FSTL4: variants seen among roughly 807,000 people sequenced by gnomAD.
The protein encoded by FSTL4 is follistatin-related protein 4.
A neutral mutation model predicts 78.2 loss-of-function variants in FSTL4; 28 were observed. That is an observed-to-expected ratio of 0.36 (90% CI 0.27 to 0.49). FSTL4 has a LOEUF of 0.49. Among genes scored for constraint, FSTL4 ranks in the 20% least tolerant of loss-of-function variants. The pLI is 0.98. For missense variants in FSTL4, 922 were observed against 1,084.9 expected (o/e 0.85, Z 2.11); for synonymous variants, 422 against 440.5 (o/e 0.96, Z 0.53).
At chr5:133,248,194 C>T (rs999521123) in intron 7 of FSTL4, 1 of 152,316 alleles carries the variant, frequency 6.6e-6, no homozygotes, top group Non-Finnish European at 1.5e-5. Flanking sequence ...CCAAATTGAT[C>T]TCCTTTTGAG....
At chr5:133,774,944 A>G in the FSTL4 span, among the ~76,000 whole-genome samples, 1 of 152,110 alleles carries the variant, frequency 6.6e-6, no homozygotes, top group South Asian at 2.1e-4. Context: ...TAAGAATGCA[A>G]TAGTCTAGAA....
intron 3 of FSTL4, among the ~76,000 whole-genome samples, chr5:133,429,165 C>T (rs867354693): frequency 5.9e-4 from 90 of 152,158 alleles, no homozygotes; most frequent in African/African-American, 2.0e-3. Flanking sequence ...CGTTGGCTCA[C>T]ATCAGCAGAA....
intron 4 of FSTL4, among the ~76,000 whole-genome samples, chr5:133,399,278 C>CT (rs1756157037): frequency 6.6e-6 from 1 of 152,198 alleles, no homozygotes; most frequent in Admixed American, 6.5e-5. Context: ...CGGCACGTGG[C>CT]TGGGCAGTGC....
At chr5:133,767,029 A>G in the FSTL4 span, among the ~76,000 whole-genome samples, 1 of 152,212 alleles carries the variant, frequency 6.6e-6, no homozygotes, top group Non-Finnish European at 1.5e-5. Flanking sequence ...GAGACAGAGT[A>G]GGAAAAGGTC....
At chr5:133,280,618 TC>T (rs2126858359) in intron 6 of FSTL4, among the ~76,000 whole-genome samples, 1 of 152,252 alleles carries the variant, frequency 6.6e-6, no homozygotes, top group African/African-American at 2.4e-5. Context: ...AGCTGCCTGG[TC>T]TTGCTCCTGG....
At chr5:133,796,988 C>A in the FSTL4 span, among the ~76,000 whole-genome samples, 1 of 152,150 alleles carries the variant, frequency 6.6e-6, no homozygotes, top group Non-Finnish European at 1.5e-5. Context: ...CTGCATTGAG[C>A]CCAGGAATCC....
intron 2 of FSTL4, among the ~76,000 whole-genome samples, chr5:133,598,843 G>A (rs1019785737): frequency 7.2e-5 from 11 of 152,170 alleles, no homozygotes; most frequent in African/African-American, 9.7e-5. Context: ...AGGGTGATGT[G>A]GCAGAAAAGC....
chr5:133,617,167 C>T (rs1248214886), upstream of FSTL4, among the ~76,000 whole-genome samples: 4 of 151,998 alleles, frequency 2.6e-5, no homozygotes, highest in African/African-American at 4.8e-5. Flanking sequence ...GGCATGGTGG[C>T]ACGCGCCTAT....
chr5:133,696,099 G>A, the FSTL4 span, among the ~76,000 whole-genome samples: 29 of 152,286 alleles, frequency 1.9e-4, no homozygotes, highest in African/African-American at 4.8e-4. Context: ...CCACTGTGTC[G>A]TCTAAAGAAG....
At chr5:133,499,181 A>G (rs1758435388) in intron 3 of FSTL4, among the ~76,000 whole-genome samples, 1 of 152,164 alleles carries the variant, frequency 6.6e-6, no homozygotes, top group African/African-American at 2.4e-5. Flanking sequence ...CAAAAACTAC[A>G]CACAGGAGAT....
intron 3 of FSTL4, among the ~76,000 whole-genome samples, chr5:133,533,166 G>C (rs751392264): frequency 2.0e-5 from 3 of 152,198 alleles, no homozygotes; most frequent in African/African-American, 4.8e-5. Context: ...ACATGATGTA[G>C]ATTTTAGCTT....
At chr5:133,788,726 T>C in the FSTL4 span, among the ~76,000 whole-genome samples, 1 of 152,240 alleles carries the variant, frequency 6.6e-6, no homozygotes, top group Non-Finnish European at 1.5e-5. Flanking sequence ...CTTCCACTAC[T>C]TCTGAAGTTT....
the FSTL4 span, among the ~76,000 whole-genome samples, chr5:133,808,956 T>G: frequency 6.6e-6 from 1 of 150,650 alleles, no homozygotes; most frequent in Admixed American, 6.7e-5. Flanking sequence ...TGTCAGGACG[T>G]GTGGTCACTA....
chr5:133,491,268 T>A (rs1053339944), intron 3 of FSTL4, among the ~76,000 whole-genome samples: 3 of 152,242 alleles, frequency 2.0e-5, no homozygotes, highest in South Asian at 2.1e-4. Context: ...AGGAGCTGTG[T>A]TAAGTGCATA....
the FSTL4 span, among the ~76,000 whole-genome samples, chr5:133,641,107 C>G: frequency 6.6e-6 from 1 of 152,124 alleles, no homozygotes. Context: ...AAGTCATTAC[C>G]CTACAACCAT....
chr5:133,603,231 A>C (rs1760907813), intron 2 of FSTL4, among the ~76,000 whole-genome samples: 1 of 152,200 alleles, frequency 6.6e-6, no homozygotes, highest in Non-Finnish European at 1.5e-5. Context: ...GTTGCAGTTT[A>C]TGGATCCTCT....
chr5:133,383,799 G>T (rs180885978), intron 4 of FSTL4, among the ~76,000 whole-genome samples: 112 of 152,258 alleles, frequency 7.4e-4, no homozygotes, highest in African/African-American at 2.6e-3. Flanking sequence ...CTTGCTGGTC[G>T]AGGCGTGCAT....
At chr5:133,651,387 T>C in the FSTL4 span, among the ~76,000 whole-genome samples, 1 of 152,174 alleles carries the variant, frequency 6.6e-6, no homozygotes, top group Non-Finnish European at 1.5e-5. Context: ...GGATATTCTT[T>C]ATCAAGTTGA....
chr5:133,663,731 G>C, the FSTL4 span, among the ~76,000 whole-genome samples: 2 of 152,256 alleles, frequency 1.3e-5, no homozygotes, highest in Admixed American at 6.5e-5. Context: ...CAAGCCAGAA[G>C]TGCTCCCCCA....
Sources: allele counts gnomAD v4.1 joint callset (sites outside exome capture counted in the v4.1 genomes callset), GRCh38; gene constraint gnomAD v4.1.1; transcripts MANE v1.5; gene names NCBI Gene and HGNC (gene_info 2026-07-23, HGNC 2026-07-21).